Variants in ADAMTS19 observed in about 807,000 individuals in gnomAD.
ADAMTS19 encodes the protein ADAM metallopeptidase with thrombospondin type 1 motif 19, also known as A disintegrin and metalloproteinase with thrombospondin motifs 19.
ADAMTS19 carries 93 observed loss-of-function variants against 153.3 expected under a neutral mutation model. That is an observed-to-expected ratio of 0.61 (90% confidence interval 0.51 to 0.72). The LOEUF (loss-of-function observed/expected upper bound fraction) is 0.72, where lower values mean the gene tolerates loss of function less well. ADAMTS19 is among the 30% of genes least tolerant of loss of function. The probability of loss-of-function intolerance (pLI) is 0.00; values close to 1 mark genes in which losing one functional copy is unlikely to be tolerated. For missense variants in ADAMTS19, 1,482 were observed against 1,552.1 expected, an observed-to-expected ratio of 0.95 and a Z score of 0.76; for synonymous variants, 600 against 556.6, an observed-to-expected ratio of 1.08 and a Z score of -1.10.
intron 8 of ADAMTS19, 73 bp downstream of exon 8, chr5:129,596,737 A>G: frequency 9.1e-7 from 1 of 1,100,950 alleles, no homozygotes; most frequent in Non-Finnish European, 1.3e-6. Context: ...AATTACCTGG[A>G]TATCTTCTGA....
chr5:129,587,103 A>T (rs1749844532), intron 7 of ADAMTS19, among the ~76,000 whole-genome samples: 1 of 152,002 alleles, frequency 6.6e-6, no homozygotes, highest in Admixed American at 6.6e-5. Flanking sequence ...CCTATGTTTA[A>T]TTTGCAGTTA....
chr5:129,641,476 G>C (rs1410153301), intron 10 of ADAMTS19, among the ~76,000 whole-genome samples: 1 of 152,182 alleles, frequency 6.6e-6, no homozygotes, highest in Non-Finnish European at 1.5e-5. Context: ...TAGGGCAGCA[G>C]ACACTGAATT....
chr5:129,575,308 A>G (rs1430980255), intron 7 of ADAMTS19, among the ~76,000 whole-genome samples: 1 of 152,068 alleles, frequency 6.6e-6, no homozygotes, highest in Non-Finnish European at 1.5e-5. Context: ...TGCTAGCATG[A>G]TATTTAATTT....
In ADAMTS19 at chr5:129,526,353, C is replaced by T; in HGVS notation, c.983C>T (p.Pro328Leu). Residue 328 changes from proline to leucine, a missense_variant, in exon 4 of 23, where the codon CCT (proline) becomes CTT (leucine). By Grantham distance (98) the Pro-to-Leu change is moderately conservative (BLOSUM62 -3). Coordinates refer to ENST00000274487, the MANE Select transcript of ADAMTS19 (RefSeq NM_133638.6). The part of the protein sequence containing the change: ...GRGKRYSYKL[P>L]QEYNIETVVV... ...GGGAAACGATATTCATACAAATTAC[C>T]TCAAGAATACAACATAGAGACTGTA... is the stretch of plus-strand genomic sequence containing the variant. The T allele has an allele frequency of 1.3e-6, 2 of 1,599,124 alleles. No individual in the cohort carries two copies. Among genetic ancestry groups the T allele is most frequent in the Non-Finnish European group, 1.7e-6 (2 of 1,173,626 alleles).
intron 6 of ADAMTS19, among the ~76,000 whole-genome samples, chr5:129,543,046 T>G (rs1278176728): frequency 2.7e-5 from 4 of 146,634 alleles, no homozygotes; most frequent in Non-Finnish European, 6.0e-5. Context: ...TGTTGTTGTT[T>G]TGTTTTTTTT....
At chr5:129,516,965 T>G (rs1228074586) in intron 3 of ADAMTS19, among the ~76,000 whole-genome samples, 1 of 151,412 alleles carries the variant, frequency 6.6e-6, no homozygotes, top group Non-Finnish European at 1.5e-5. Flanking sequence ...CCAAAGGTTT[T>G]GGTATGCTTT....
chr5:129,482,488 G>A (rs1405274289), intron 2 of ADAMTS19, among the ~76,000 whole-genome samples: 1 of 151,938 alleles, frequency 6.6e-6, no homozygotes, highest in Non-Finnish European at 1.5e-5. Flanking sequence ...TCCAAATTAA[G>A]GGAACTACCA....
chr5:129,727,980 A>C (rs1362475068), intron 21 of ADAMTS19, among the ~76,000 whole-genome samples: 1 of 152,166 alleles, frequency 6.6e-6, no homozygotes, highest in Non-Finnish European at 1.5e-5. Context: ...GATACTGGTC[A>C]CAAAGACCTT....
chr5:129,574,100 TAA>T (rs1754011285), intron 7 of ADAMTS19, among the ~76,000 whole-genome samples: 1 of 152,018 alleles, frequency 6.6e-6, no homozygotes, highest in African/African-American at 2.4e-5. Context: ...TTCAATGCAA[TAA>T]GAGATTATTT....
chr5:129,625,472 G>A (rs62399041), intron 10 of ADAMTS19, among the ~76,000 whole-genome samples: 13,114 of 152,162 alleles, frequency 0.086, 635 homozygotes, highest in African/African-American at 0.1. Flanking sequence ...AAGCATTCCT[G>A]TTTCTCCACA....
intron 17 of ADAMTS19, among the ~76,000 whole-genome samples, chr5:129,680,539 G>T (rs894983568): frequency 1.3e-5 from 2 of 151,898 alleles, no homozygotes; most frequent in South Asian, 2.1e-4. Context: ...TGGGTGGATC[G>T]CAAGGTCAGG....
chr5:129,497,563 A>T (rs1396260905), intron 2 of ADAMTS19, among the ~76,000 whole-genome samples: 1 of 152,028 alleles, frequency 6.6e-6, no homozygotes, highest in African/African-American at 2.4e-5. Flanking sequence ...CTATCCCTAA[A>T]ATCTGTTTCA....
At chr5:129,731,140 G>A (rs537072132) in intron 21 of ADAMTS19, among the ~76,000 whole-genome samples, 1 of 152,076 alleles carries the variant, frequency 6.6e-6, no homozygotes, top group African/African-American at 2.4e-5. Flanking sequence ...TGTATTTTTA[G>A]TAGAGATGGG....
intron 7 of ADAMTS19, among the ~76,000 whole-genome samples, chr5:129,556,750 G>A (rs1490272450): frequency 6.6e-6 from 1 of 152,098 alleles, no homozygotes; most frequent in Non-Finnish European, 1.5e-5. Context: ...AACTCATTAT[G>A]GATGGTTTGA....
intron 10 of ADAMTS19, among the ~76,000 whole-genome samples, chr5:129,637,256 C>G (rs1657957091): frequency 1.3e-5 from 2 of 151,816 alleles, no homozygotes; most frequent in African/African-American, 4.8e-5. Flanking sequence ...ATTTTGTATC[C>G]ACAGATATAA....
chr5:129,733,060 G>A (rs1324380608), intron 21 of ADAMTS19, among the ~76,000 whole-genome samples: 1 of 151,618 alleles, frequency 6.6e-6, no homozygotes, highest in African/African-American at 2.4e-5. Context: ...AATGAGGAAA[G>A]GACAACCCTA....
chr5:129,460,833 C>A, intron 1 of ADAMTS19: 1 of 483,926 alleles, frequency 2.1e-6, no homozygotes, highest in Non-Finnish European at 3.5e-6. Flanking sequence ...GTCTTTGCAT[C>A]GGTTTTCTTT....
intron 11 of ADAMTS19, among the ~76,000 whole-genome samples, chr5:129,643,392 A>G (rs1296225693): frequency 2.0e-5 from 3 of 150,878 alleles, no homozygotes; most frequent in Non-Finnish European, 1.5e-5. Context: ...AAAAAGAAAA[A>G]AAAAAGAAAA....
chr5:129,584,331 A>ATACAGGAGGTGTCATACAGGAG (rs1749676305), intron 7 of ADAMTS19, among the ~76,000 whole-genome samples: 1 of 152,182 alleles, frequency 6.6e-6, no homozygotes, highest in African/African-American at 2.4e-5. Flanking sequence ...GGTGTCTGTC[A>ATACAGGAGGTGTCATACAGGAG]ACAACTGCTG....
Sources: allele counts gnomAD v4.1 joint callset (sites outside exome capture counted in the v4.1 genomes callset), GRCh38; gene constraint gnomAD v4.1.1; transcripts MANE v1.5; gene names NCBI Gene and HGNC (gene_info 2026-07-23, HGNC 2026-07-21).